Variants in CTNNA3 observed in about 807,000 individuals in gnomAD.
CTNNA3 encodes catenin alpha 3.
Under a neutral mutation model 95.7 loss-of-function variants are expected in CTNNA3, and 76 were observed. That is an observed-to-expected ratio of 0.79 (90% CI 0.66 to 0.96). CTNNA3 has a LOEUF of 0.96. Among genes scored for constraint, CTNNA3 ranks in the 40% least tolerant of loss-of-function variants. CTNNA3 has a pLI of 0.00. For missense variants in CTNNA3, 1,191 were observed against 1,089.8 expected (o/e 1.09, Z -1.31); for synonymous variants, 431 against 374.4 (o/e 1.15, Z -1.74).
At position 67,694,857 on chromosome 10, in the gene CTNNA3, G is replaced by GA. The variant is rs565967759; in HGVS notation, c.-6+1142dup. On this transcript the variant is annotated intron_variant, in intron 1 of 17. Coordinates refer to ENST00000433211, the MANE Select transcript of CTNNA3 (RefSeq NM_013266.4). ...GATGAACATTTAATGCTTTTATAAT[G>GA]AAAAAAAGTTTTACCAATCTTTACT... 2.0e-5 allele frequency among the ~76,000 whole-genome samples: 3 copies of GA among 152,004 alleles called. No individual in the cohort carries two copies. The East Asian group carries it at 5.8e-4, about 29-fold the overall frequency.
In CTNNA3 at chr10:66,927,902, G is replaced by A. The variant is rs547486363; in HGVS notation, c.1048-152378C>T. 2 of 1,614,236 alleles carry A rather than the reference G, an allele frequency of 1.2e-6. No individual in the cohort carries two copies. The highest frequency in any genetic ancestry group is 3.3e-5 in the Admixed American group (2 of 60,036). ...TGCTCCCTTGTAAACTGGCTGAAAAGTTTTAAAGGTCTAAGGGAGAATACA... is the reference window on the plus strand; with the variant it reads ...TGCTCCCTTGTAAACTGGCTGAAAAATTTTAAAGGTCTAAGGGAGAATACA... On this transcript the variant is annotated intron_variant, in intron 7 of 17. Transcript: ENST00000433211. The surrounding 1 kb of genome is among the most constrained non-coding windows in gnomAD (Gnocchi z 4.7).
At chr10:66,679,294 A>C (rs1846981040) in intron 9 of CTNNA3, among the ~76,000 whole-genome samples, 2 of 152,228 alleles carry the variant, frequency 1.3e-5, no homozygotes, top group Admixed American at 1.3e-4. Context: ...TGAATGATGA[A>C]TGATTTTGAG....
intron 10 of CTNNA3, among the ~76,000 whole-genome samples, chr10:66,561,342 A>G (rs1842547317): frequency 6.6e-6 from 1 of 152,148 alleles, no homozygotes; most frequent in African/African-American, 2.4e-5. Flanking sequence ...AATTTGTTAC[A>G]TCTAACAATT....
At chr10:66,452,096 C>T (rs1177319368) in intron 11 of CTNNA3, among the ~76,000 whole-genome samples, 2 of 152,160 alleles carry the variant, frequency 1.3e-5, no homozygotes, top group Non-Finnish European at 2.9e-5. Context: ...CAACTGAGGC[C>T]AAGTGGCAGT....
At chr10:66,689,665 T>C (rs574811615) in intron 9 of CTNNA3, among the ~76,000 whole-genome samples, 164 of 152,304 alleles carry the variant, frequency 1.1e-3, no homozygotes, top group African/African-American at 3.9e-3. Context: ...ATATTAATAA[T>C]ATTGAATGTT....
At chr10:67,106,597 T>C (rs554157847) in intron 7 of CTNNA3, among the ~76,000 whole-genome samples, 40 of 152,334 alleles carry the variant, frequency 2.6e-4, no homozygotes, top group Admixed American at 1.3e-4. Flanking sequence ...GTAGATACTA[T>C]TGTTTTTCCC....
At chr10:66,624,901 A>G (rs1225822435) in intron 9 of CTNNA3, among the ~76,000 whole-genome samples, 1 of 152,152 alleles carries the variant, frequency 6.6e-6, no homozygotes, top group East Asian at 1.9e-4. Flanking sequence ...GAAATGATTG[A>G]CCAGACTTTT....
At chr10:66,094,499 T>A (rs563101922) in intron 14 of CTNNA3, among the ~76,000 whole-genome samples, 40 of 152,206 alleles carry the variant, frequency 2.6e-4, no homozygotes, top group African/African-American at 9.4e-4. Context: ...GTTAGGAACA[T>A]GCTGCAGAAA....
chr10:67,245,873 A>C lies in CTNNA3; in HGVS notation c.580-26003T>G, dbSNP rs1047302968. 1.1e-3 allele frequency among the ~76,000 whole-genome samples: 170 copies of C among 151,812 alleles called. 1 individual carries two copies. The highest frequency in any genetic ancestry group is 3.9e-3 in the African/African-American group (161 of 41,352). The stretch of plus-strand genomic sequence containing the variant: ...CTGTCTCCAAAAAAAAAAAAAAAAA[A>C]ACCAGAGAATTATCTAGTTACAACA... On this transcript the variant is annotated intron_variant, in intron 5 of 17. Coordinates refer to ENST00000433211, the MANE Select transcript of CTNNA3 (RefSeq NM_013266.4).
chr10:66,745,247 C>T (rs1201265414), intron 9 of CTNNA3, among the ~76,000 whole-genome samples: 1 of 152,208 alleles, frequency 6.6e-6, no homozygotes, highest in African/African-American at 2.4e-5. Context: ...GAAGTAACCA[C>T]ATAGGTTCTA....
intron 9 of CTNNA3, among the ~76,000 whole-genome samples, chr10:66,763,367 A>AGAG (rs1839696526): frequency 1.5e-4 from 8 of 52,290 alleles, no homozygotes; most frequent in East Asian, 1.6e-3. Flanking sequence ...GAGAGAGAGA[A>AGAG]AGAGAGAAAG....
chr10:66,505,350 C>T (rs72791595), intron 11 of CTNNA3, among the ~76,000 whole-genome samples: 23,156 of 152,058 alleles, frequency 0.15, 1,822 homozygotes, highest in Non-Finnish European at 0.17. Flanking sequence ...TTTCTGAATA[C>T]ACACTTTCTC....
At chr10:67,167,132 C>G (rs940631475) in intron 7 of CTNNA3, among the ~76,000 whole-genome samples, 3 of 151,476 alleles carry the variant, frequency 2.0e-5, no homozygotes, top group Non-Finnish European at 4.4e-5. Flanking sequence ...AAAAAGGCAA[C>G]AATTTTTTAT....
chr10:66,022,096 A>G (rs1040849637), intron 15 of CTNNA3, among the ~76,000 whole-genome samples: 2 of 151,868 alleles, frequency 1.3e-5, no homozygotes, highest in African/African-American at 4.8e-5. Flanking sequence ...GGGCTCAAAC[A>G]ATCTTCCTGT....
chr10:66,087,012 T>G (rs763059030), intron 14 of CTNNA3, among the ~76,000 whole-genome samples: 11 of 152,136 alleles, frequency 7.2e-5, no homozygotes, highest in East Asian at 1.9e-4. Context: ...ATAAATGGCA[T>G]CAGCTGTACC....
intron 17 of CTNNA3, among the ~76,000 whole-genome samples, chr10:65,941,997 C>T (rs1359903956): frequency 6.6e-6 from 1 of 152,066 alleles, no homozygotes; most frequent in Non-Finnish European, 1.5e-5. Context: ...CCCTCGTCAC[C>T]TGTTTTGGTT....
intron 13 of CTNNA3, among the ~76,000 whole-genome samples, chr10:66,238,696 A>G (rs10822769): frequency 0.81 from 122,156 of 151,302 alleles, 49,653 homozygotes; most frequent in South Asian, 0.94. Context: ...ATATATATAT[A>G]TAATTTTTTT....
chr10:65,995,072 T>G (rs540406501), intron 15 of CTNNA3, among the ~76,000 whole-genome samples: 1 of 152,196 alleles, frequency 6.6e-6, no homozygotes, highest in Non-Finnish European at 1.5e-5. Flanking sequence ...TGATTTTTTT[T>G]TGTATTCTTT....
chr10:67,217,541 C>G (rs764312939), intron 6 of CTNNA3, among the ~76,000 whole-genome samples: 1 of 152,144 alleles, frequency 6.6e-6, no homozygotes, highest in Non-Finnish European at 1.5e-5. Flanking sequence ...CTTAAGAGAA[C>G]ACTGTTGCCC....
Sources: allele counts gnomAD v4.1 joint callset (sites outside exome capture counted in the v4.1 genomes callset), GRCh38; gene constraint gnomAD v4.1.1; non-coding constraint Gnocchi (gnomAD v3.1); transcripts MANE v1.5; gene names NCBI Gene and HGNC (gene_info 2026-07-23, HGNC 2026-07-21).